The following JADE3 variants were observed in gnomAD, a reference collection of about 807,000 sequenced individuals.
JADE3 encodes protein Jade-3.
Under a neutral mutation model 50.1 loss-of-function variants are expected in JADE3, and 2 were observed. The observed-to-expected ratio is 0.04, with a 90% CI of 0.02 to 0.13. The LOEUF (loss-of-function observed/expected upper bound fraction) is 0.13. JADE3 is among the 10% of genes least tolerant of loss of function. The pLI, the probability that JADE3 is intolerant of heterozygous loss-of-function variation, is 1.00. For missense variants in JADE3, 475 were observed against 634.4 expected (o/e 0.75, Z 2.70); for synonymous variants, 218 against 232.9 (o/e 0.94, Z 0.58).
intron 6 of JADE3, among the ~76,000 whole-genome samples, chrX:47,031,655 C>T (rs1402032773): frequency 1.8e-5 from 2 of 111,351 alleles, no homozygotes; most frequent in Admixed American, 1.9e-4. Context: ...GTGTGGATCA[C>T]TTGAGCCCAG....
chrX:46,963,166 T>C (rs151171614), intron 1 of JADE3, among the ~76,000 whole-genome samples: 1,928 of 111,968 alleles, frequency 0.017, 16 homozygotes, highest in Middle Eastern at 0.05. Flanking sequence ...TAACCACTGG[T>C]TGCAGGTGCC....
At position 47,039,012 on chromosome X, in the gene JADE3, C is replaced by A. The variant is rs372660068; in HGVS notation, c.919C>A (p.Arg307=). 26 of 1,197,327 alleles carry A rather than the reference C, an allele frequency of 2.2e-5. No individual in the cohort carries two copies. The African/African-American group carries it at 4.6e-4, about 21-fold the overall frequency. Residue 307 remains arginine, a synonymous_variant, in exon 8 of 11, where the codon CGG becomes AGG. Transcript: ENST00000614628. ...GAAGATCTCCCACATCCCACCCAGT[C>A]GGTGGGCCTTAGTCTGCAACTTGTG... is the stretch of plus-strand genomic sequence containing the variant. The part of the protein sequence containing the change: ...ITKISHIPPS[R]WALVCNLCKL...
chrX:46,932,718 A>C (rs1926523464), intron 1 of JADE3, among the ~76,000 whole-genome samples: 1 of 112,015 alleles, frequency 8.9e-6, no homozygotes, highest in African/African-American at 3.2e-5. Flanking sequence ...TGATCATGCT[A>C]GTACTTGAAG....
At chrX:46,915,792 C>T (rs1926070312) in intron 1 of JADE3, among the ~76,000 whole-genome samples, 1 of 110,013 alleles carries the variant, frequency 9.1e-6, no homozygotes, top group Non-Finnish European at 1.9e-5. Flanking sequence ...AAAACTTGCC[C>T]GATTTCATAG....
intron 1 of JADE3, among the ~76,000 whole-genome samples, chrX:46,972,388 G>A (rs1427776771): frequency 9.0e-6 from 1 of 110,607 alleles, no homozygotes; most frequent in African/African-American, 3.3e-5. Flanking sequence ...TAGAGATGTG[G>A]TTTTGCCGTG....
At chrX:46,943,680 T>G (rs1022759496) in intron 1 of JADE3, among the ~76,000 whole-genome samples, 2 of 111,717 alleles carry the variant, frequency 1.8e-5, no homozygotes, top group Non-Finnish European at 3.8e-5. Flanking sequence ...TTTTCTTTTG[T>G]TTTGCCTTTG....
chrX:46,999,444 T>A (rs977180719), intron 4 of JADE3, among the ~76,000 whole-genome samples: 4 of 105,028 alleles, frequency 3.8e-5, no homozygotes, highest in Admixed American at 2.1e-4. Flanking sequence ...CATATATATA[T>A]ATATATAACA....
At chrX:46,936,262 G>A (rs956372526) in intron 1 of JADE3, among the ~76,000 whole-genome samples, 28 of 111,139 alleles carry the variant, frequency 2.5e-4, no homozygotes, top group African/African-American at 8.5e-4. Flanking sequence ...CAGGTGATCC[G>A]CCCATCTCAG....
At chrX:47,000,797 C>T (rs1326189299) in intron 4 of JADE3, among the ~76,000 whole-genome samples, 2 of 111,578 alleles carry the variant, frequency 1.8e-5, no homozygotes, top group African/African-American at 6.5e-5. Context: ...AGTAATTTGT[C>T]CGCCTTGGCC....
chrX:47,008,436 G>C (rs1309635749), intron 4 of JADE3, among the ~76,000 whole-genome samples: 1 of 112,008 alleles, frequency 8.9e-6, no homozygotes, highest in Non-Finnish European at 1.9e-5. Flanking sequence ...GCAATGAAAA[G>C]GAGTTAAGCA....
rs1487852317 is a variant in JADE3 at position 47,059,378 on chromosome X, A to G, written c.*301A>G. ...TTTCCGGTTATATAACACATTGACA[A>G]GTATATGTATTAAGAGTCCTTGCAT... On this transcript the variant is annotated 3_prime_UTR_variant, in exon 11 of 11. Coordinates refer to ENST00000614628, the MANE Select transcript of JADE3 (RefSeq NM_014735.5). The G allele has an allele frequency of 1.7e-5, 4 of 241,916 alleles. No homozygotes were observed. The highest frequency in any genetic ancestry group is 1.5e-5 in the Non-Finnish European group (2 of 136,779). 19.9% of individuals were successfully genotyped at this position (241,916 alleles called of 1,213,427 possible). A position where few individuals can be genotyped will look rare whatever the true frequency, so the allele number is the denominator to read the frequency against.
intron 10 of JADE3, among the ~76,000 whole-genome samples, chrX:47,057,076 A>G (rs1929646088): frequency 1.8e-5 from 2 of 112,006 alleles, no homozygotes; most frequent in Non-Finnish European, 3.8e-5. Context: ...CAACATGACA[A>G]GCAAAACAAG....
At chrX:46,992,356 G>T (rs1370936886) in intron 3 of JADE3, among the ~76,000 whole-genome samples, 1 of 74,642 alleles carries the variant, frequency 1.3e-5, no homozygotes, top group Non-Finnish European at 2.5e-5. Context: ...GAAAAAGCTT[G>T]CAAGCGGGTG....
Position 47,058,293 on chromosome X carries a change from A to T in JADE3, c.1688A>T (p.Gln563Leu). The change falls in exon 11 of 11, where the codon CAG (glutamine) becomes CTG (leucine). Residue 563 changes from glutamine (Q) to leucine (L), a missense_variant. Gln to Leu is a moderately radical substitution (Grantham distance 113, BLOSUM62 -2). This residue lies in a region of JADE3 where 243 missense variants were observed against 238.2 expected (regional missense o/e 1.02). Coordinates refer to ENST00000614628, the MANE Select transcript of JADE3 (RefSeq NM_014735.5). ...HRNSSTETDQQPHSPDSSSSV... is the reference protein window; with the variant it reads ...HRNSSTETDQLPHSPDSSSSV... Reference sequence around the variant, plus strand: ...AACAGCTCCACAGAAACCGATCAGCAGCCCCACTCTCCTGACAGCAGCTCA... The same window carrying T: ...AACAGCTCCACAGAAACCGATCAGCTGCCCCACTCTCCTGACAGCAGCTCA... 2 of 1,211,345 alleles carry T rather than the reference A, an allele frequency of 1.7e-6. No individual in the cohort carries two copies. The highest frequency in any genetic ancestry group is 2.2e-6 in the Non-Finnish European group (2 of 895,373).
chrX:46,986,717 A>G (rs1927871572), intron 3 of JADE3, among the ~76,000 whole-genome samples: 1 of 112,003 alleles, frequency 8.9e-6, no homozygotes, highest in Admixed American at 9.5e-5. Flanking sequence ...CAGAAAGAGT[A>G]GGTCAATCCT....
At chrX:46,952,366 A>G (rs1281947530) in intron 1 of JADE3, among the ~76,000 whole-genome samples, 1 of 112,107 alleles carries the variant, frequency 8.9e-6, no homozygotes, top group Admixed American at 9.5e-5. Flanking sequence ...ATATCAGTTC[A>G]GTATTCAATG....
intron 4 of JADE3, among the ~76,000 whole-genome samples, chrX:47,004,100 A>G: frequency 9.3e-6 from 1 of 107,812 alleles, no homozygotes; most frequent in Admixed American, 1.0e-4. Context: ...TGATTTTTGT[A>G]TTTTTTGTAG....
intron 1 of JADE3, among the ~76,000 whole-genome samples, chrX:46,975,714 CTTTTTTTTTTTT>C (rs782578317): frequency 1.2e-4 from 5 of 40,519 alleles, no homozygotes; most frequent in Non-Finnish European, 1.6e-4. Context: ...TTTTCTTTTT[CTTTTTTTTTTTT>C]TTTTTTTTTT....
chrX:46,969,154 G>A (rs1927429746), intron 1 of JADE3, among the ~76,000 whole-genome samples: 1 of 112,663 alleles, frequency 8.9e-6, no homozygotes. Flanking sequence ...GGTGGCTCAC[G>A]CCTCTAATCC....
Sources: allele counts gnomAD v4.1 joint callset (sites outside exome capture counted in the v4.1 genomes callset), GRCh38; gene constraint gnomAD v4.1.1; regional missense constraint gnomAD v4.1.1; transcripts MANE v1.5; gene names NCBI Gene and HGNC (gene_info 2026-07-23, HGNC 2026-07-21).